Variants in LACTB2 observed in about 807,000 individuals in gnomAD.
LACTB2 encodes endoribonuclease LACTB2.
Under a neutral mutation model 34.8 loss-of-function variants are expected in LACTB2, and 32 were observed. The ratio of observed to expected loss-of-function variants is 0.92; its 90% CI spans 0.69 to 1.24. The LOEUF (loss-of-function observed/expected upper bound fraction) is 1.24. LACTB2 is among the 50% of genes most tolerant of loss of function. LACTB2 has a pLI of 0.00. For synonymous variants in LACTB2, 120 were observed against 117.5 expected, an observed-to-expected ratio of 1.02 and a Z score of -0.14; for missense variants, 320 against 345.0, an observed-to-expected ratio of 0.93 and a Z score of 0.57.
chr8:70,653,154 G>C (rs1818366351), intron 3 of LACTB2, among the ~76,000 whole-genome samples: 1 of 152,176 alleles, frequency 6.6e-6, no homozygotes, highest in Non-Finnish European at 1.5e-5. Flanking sequence ...TCTGTCACCA[G>C]GCTGGAGTGT....
intron 1 of LACTB2, among the ~76,000 whole-genome samples, chr8:70,667,646 T>C (rs894186018): frequency 5.3e-5 from 8 of 152,220 alleles, no homozygotes; most frequent in East Asian, 3.9e-4. Context: ...AGTGTGATTA[T>C]AGTGTTTAAA....
rs1040094786 is a variant in LACTB2, at chr8:70,638,396, T to C, written c.823+152A>G. On this transcript the variant is annotated intron_variant, in intron 6 of 6. Transcript: ENST00000276590. ...TCCAGCTTGTGGTCCACTGGCCCTGTGCTACTGACCTTCCTAGCGCCTGTC... is the reference window on the plus strand; with the variant it reads ...TCCAGCTTGTGGTCCACTGGCCCTGCGCTACTGACCTTCCTAGCGCCTGTC... 9.3e-6 allele frequency: 7 copies of C among 754,356 alleles called. No homozygotes were observed. The African/African-American group carries it at 1.1e-4, about 12-fold the overall frequency. 46.7% of individuals were successfully genotyped at this position (754,356 alleles called of 1,614,324 possible).
chr8:70,660,352 GAC>G, intron 2 of LACTB2: 1 of 304,470 alleles, frequency 3.3e-6, no homozygotes, highest in Non-Finnish European at 6.4e-6. Context: ...AAGTCAGACT[GAC>G]AGATTATAAG....
At chr8:70,649,429 G>A (rs1343277230) in intron 3 of LACTB2, among the ~76,000 whole-genome samples, 1 of 152,198 alleles carries the variant, frequency 6.6e-6, no homozygotes, top group Admixed American at 6.6e-5. Context: ...AGTTAAATTA[G>A]TGATAAATAC....
At chr8:70,648,416 A>C (rs1432112894) in intron 3 of LACTB2, among the ~76,000 whole-genome samples, 6 of 152,220 alleles carry the variant, frequency 3.9e-5, no homozygotes, top group Middle Eastern at 3.2e-3. Context: ...ACTATGAAAC[A>C]AGATTAGGTT....
At position 70,665,058 on chromosome 8, in the gene LACTB2, A is replaced by G. The variant is rs115448098; in HGVS notation, c.123-3161T>C. Among the ~76,000 whole-genome samples the G allele has an allele frequency of 3.0e-3, 451 of 152,338 alleles. 1 individual carries two copies. The highest frequency in any genetic ancestry group is 0.01 in the African/African-American group (429 of 41,566). On this transcript the variant is annotated intron_variant, in intron 1 of 6. Transcript: ENST00000276590. ...AAAACTGTTATCAGTTTTGAAATTG[A>G]AAAAAATGTTATCAGTTTCTCCCTT...
chr8:70,652,261 A>G (rs1271192926), intron 3 of LACTB2, among the ~76,000 whole-genome samples: 2 of 152,188 alleles, frequency 1.3e-5, no homozygotes, highest in Non-Finnish European at 2.9e-5. Flanking sequence ...TGTTATTTAT[A>G]TAGAGTTGAA....
At chr8:70,649,537 G>A (rs1011865646) in intron 3 of LACTB2, among the ~76,000 whole-genome samples, 10 of 152,192 alleles carry the variant, frequency 6.6e-5, no homozygotes, top group African/African-American at 2.4e-4. Context: ...GCTGTAAATA[G>A]TGTCTACAGT....
rs1440004259 is a variant in LACTB2, at chr8:70,655,913, T to C, written c.413+1843A>G. ...CCATTCTTGCAGGAGTAAGGTGGTA[T>C]TGCATTGCGGTTTTGATTTGTATTT... is the stretch of plus-strand genomic sequence containing the variant. On this transcript the variant is annotated intron_variant, in intron 3 of 6. Transcript: ENST00000276590. 2.6e-5 allele frequency among the ~76,000 whole-genome samples: 4 copies of C among 152,226 alleles called. No homozygotes were observed. The East Asian group carries it at 5.8e-4, about 22-fold the overall frequency.
chr8:70,660,579 A>T (rs1320975648), intron 2 of LACTB2: 1 of 456,128 alleles, frequency 2.2e-6, no homozygotes, highest in Non-Finnish European at 4.4e-6. Context: ...TGACCTCCTT[A>T]CTGTGCCCTG....
chr8:70,668,898 C>T, intron 1 of LACTB2, 101 bp downstream of exon 1: 2 of 1,492,014 alleles, frequency 1.3e-6, no homozygotes, highest in South Asian at 2.6e-5. Context: ...CAGCTAGGGA[C>T]AGGACGCGGC....
At position 70,643,208 on chromosome 8, in the gene LACTB2, CTTTTTTTTTTTTTTTTTTTTTTTT is replaced by C. The variant is rs66482767; in HGVS notation, c.592+833_592+856del. ...AGACAGGACTTAGGGGTGTATTTTC[CTTTTTTTTTTTTTTTTTTTTTTTT>C]TTTTTTTTTGAGACAGAGTTTCGCT... On this transcript the variant is annotated intron_variant, in intron 4 of 6. Transcript: ENST00000276590. Among the ~76,000 whole-genome samples the C allele has an allele frequency of 1.2e-4, 9 of 76,220 alleles. No homozygotes were observed. The South Asian group carries it at 5.9e-3, about 50-fold the overall frequency. 50.0% of individuals were successfully genotyped at this position (76,220 alleles called of 152,430 possible).
At chr8:70,642,914 T>C (rs890940949) in intron 4 of LACTB2, among the ~76,000 whole-genome samples, 5 of 152,180 alleles carry the variant, frequency 3.3e-5, no homozygotes, top group African/African-American at 7.2e-5. Flanking sequence ...ATAGAAGCTA[T>C]TGGTATTTCA....
At chr8:70,638,997 C>G (rs1371171803) in intron 5 of LACTB2, among the ~76,000 whole-genome samples, 1 of 152,022 alleles carries the variant, frequency 6.6e-6, no homozygotes, top group Non-Finnish European at 1.5e-5. Context: ...CTCGGCCTCC[C>G]AAAGTGCTGG....
intron 5 of LACTB2, 42 bp downstream of exon 5, chr8:70,640,860 A>T: frequency 6.6e-7 from 1 of 1,505,460 alleles, no homozygotes; most frequent in Non-Finnish European, 8.9e-7. Context: ...GATAATTCTA[A>T]TAAATTTGTG....
chr8:70,650,893 T>C (rs1818334745), intron 3 of LACTB2, among the ~76,000 whole-genome samples: 1 of 151,838 alleles, frequency 6.6e-6, no homozygotes, highest in Non-Finnish European at 1.5e-5. Flanking sequence ...TGAAAGATCA[T>C]GACCAAATAA....
intron 2 of LACTB2, chr8:70,661,062 G>A: frequency 2.2e-6 from 1 of 454,508 alleles, no homozygotes; most frequent in Non-Finnish European, 4.4e-6. Flanking sequence ...TTACAGGCAT[G>A]AGCCACTGCA....
chr8:70,660,465 G>A (rs1456649653), intron 2 of LACTB2: 5 of 375,028 alleles, frequency 1.3e-5, no homozygotes, highest in Non-Finnish European at 5.3e-6. Context: ...GTGATATTGG[G>A]TGTGGTAGCT....
At chr8:70,645,375 A>G (rs1162481202) in intron 3 of LACTB2, among the ~76,000 whole-genome samples, 2 of 152,242 alleles carry the variant, frequency 1.3e-5, no homozygotes, top group Non-Finnish European at 2.9e-5. Flanking sequence ...TTAAGTGCTT[A>G]GCATAGCAGA....
Sources: gnomAD v4.1 joint callset for allele counts (sites outside exome capture counted in the v4.1 genomes callset) on GRCh38, gnomAD v4.1.1 for gene constraint, MANE v1.5 for transcripts, NCBI Gene and HGNC (gene_info 2026-07-23, HGNC 2026-07-21) for gene names.